Variants in AKAP6 observed in about 807,000 individuals in gnomAD.
The protein encoded by AKAP6 is A-kinase anchoring protein 6.
AKAP6 carries 58 observed loss-of-function variants against 188.5 expected under a neutral mutation model. The ratio of observed to expected loss-of-function variants is 0.31; its 90% confidence interval spans 0.25 to 0.38. The LOEUF (loss-of-function observed/expected upper bound fraction) is 0.38. AKAP6 is among the 10% of genes least tolerant of loss of function. The pLI, the probability that AKAP6 is intolerant of heterozygous loss-of-function variation, is 1.00. For synonymous variants in AKAP6, 989 were observed against 998.6 expected, an observed-to-expected ratio of 0.99 and a Z score of 0.18; for missense variants, 2,710 against 2,740.0, an observed-to-expected ratio of 0.99 and a Z score of 0.24.
chr14:32,672,809 T>A (rs1889267151), intron 7 of AKAP6, among the ~76,000 whole-genome samples: 1 of 152,136 alleles, frequency 6.6e-6, no homozygotes, highest in African/African-American at 2.4e-5. Flanking sequence ...TGATTCAACT[T>A]CTTGATGCAA....
chr14:32,420,412 A>G (rs1351965115), intron 1 of AKAP6, among the ~76,000 whole-genome samples: 1 of 152,100 alleles, frequency 6.6e-6, no homozygotes, highest in East Asian at 1.9e-4. Context: ...CTTTCTTCCT[A>G]TAAAACTATG....
At chr14:32,792,825 A>G (rs1275417820) in intron 12 of AKAP6, among the ~76,000 whole-genome samples, 1 of 152,224 alleles carries the variant, frequency 6.6e-6, no homozygotes, top group African/African-American at 2.4e-5. Context: ...TTTAGCATGA[A>G]GTAGTGTTGA....
chr14:32,686,872 C>T (rs1889948986), intron 8 of AKAP6, among the ~76,000 whole-genome samples: 1 of 152,124 alleles, frequency 6.6e-6, no homozygotes, highest in Non-Finnish European at 1.5e-5. Flanking sequence ...GCCTGACTTC[C>T]TCTGGCTGTG....
intron 2 of AKAP6, among the ~76,000 whole-genome samples, chr14:32,453,658 G>A (rs1891020666): frequency 7.7e-6 from 1 of 129,166 alleles, no homozygotes; most frequent in Non-Finnish European, 1.6e-5. Flanking sequence ...GTGCAGTGGC[G>A]CGATCTCCGC....
At chr14:32,609,734 G>A (rs1024109358) in intron 7 of AKAP6, among the ~76,000 whole-genome samples, 2 of 152,102 alleles carry the variant, frequency 1.3e-5, no homozygotes, top group African/African-American at 4.8e-5. Flanking sequence ...AAAGATTAAA[G>A]AACGAAGCAT....
At chr14:32,730,686 G>A (rs576236526) in intron 9 of AKAP6, among the ~76,000 whole-genome samples, 20 of 152,182 alleles carry the variant, frequency 1.3e-4, no homozygotes, top group Middle Eastern at 3.4e-3. Context: ...ATTTGAATAA[G>A]ATTTTCCTGC....
chr14:32,453,605 T>C (rs1346348213), intron 2 of AKAP6, among the ~76,000 whole-genome samples: 1 of 50,962 alleles, frequency 2.0e-5, no homozygotes, highest in Non-Finnish European at 3.2e-5. Flanking sequence ...TTTTTTTTTT[T>C]TTTTTTTTTG....
intron 3 of AKAP6, among the ~76,000 whole-genome samples, chr14:32,540,156 CTCTCTCTCTCTCTA>C (rs1211168866): frequency 3.3e-3 from 390 of 116,838 alleles, no homozygotes; most frequent in Non-Finnish European, 4.9e-3. Flanking sequence ...CTCTCTCTCT[CTCTCTCTCTCTCTA>C]TATATATATA....
intron 11 of AKAP6, among the ~76,000 whole-genome samples, chr14:32,747,354 G>A (rs1341179265): frequency 6.6e-6 from 1 of 152,150 alleles, no homozygotes; most frequent in African/African-American, 2.4e-5. Context: ...TAATGTTGCT[G>A]TTGGCAAAGT....
At chr14:32,808,389 T>C (rs2300857) in intron 12 of AKAP6, among the ~76,000 whole-genome samples, 1 of 151,976 alleles carries the variant, frequency 6.6e-6, no homozygotes, top group Non-Finnish European at 1.5e-5. Flanking sequence ...ACCAAGGACC[T>C]CATTCTGAGT....
chr14:32,662,559 A>G (rs538016509), intron 7 of AKAP6, among the ~76,000 whole-genome samples: 62 of 152,214 alleles, frequency 4.1e-4, no homozygotes, highest in Admixed American at 1.3e-3. Context: ...CAAACTAGAA[A>G]TGTGGTCCAG....
intron 2 of AKAP6, among the ~76,000 whole-genome samples, chr14:32,464,230 G>T (rs147815542): frequency 6.6e-6 from 1 of 151,956 alleles, no homozygotes; most frequent in Non-Finnish European, 1.5e-5. Context: ...GGGAATCCTC[G>T]CTAACTCATT....
chr14:32,750,394 C>G (rs2032078181), intron 11 of AKAP6, among the ~76,000 whole-genome samples: 1 of 151,580 alleles, frequency 6.6e-6, no homozygotes, highest in South Asian at 2.1e-4. Flanking sequence ...TTTTTCACAC[C>G]TTCAAGTATT....
At chr14:32,763,383 A>G (rs1202717609) in intron 11 of AKAP6, among the ~76,000 whole-genome samples, 1 of 152,128 alleles carries the variant, frequency 6.6e-6, no homozygotes. Context: ...GGTTAACTAG[A>G]AAAGTTTCAT....
In AKAP6 at chr14:32,534,972, AAAAAAC is replaced by A. The variant is rs1294757373; in HGVS notation, c.325-572_325-567del. Among the ~76,000 whole-genome samples the A allele has an allele frequency of 3.0e-4, 44 of 147,544 alleles. 1 individual carries two copies. The East Asian group carries it at 7.3e-3, about 24-fold the overall frequency. ...AAGAGTGAAACTCTATCTAAAAAAA[AAAAAAC>A]AAAAACAAACCAAAAAAAAAAAAAA... is the stretch of plus-strand genomic sequence containing the variant. On this transcript the variant is annotated intron_variant, in intron 2 of 13. Transcript: ENST00000280979.
intron 4 of AKAP6, among the ~76,000 whole-genome samples, chr14:32,570,619 A>T (rs1181702580): frequency 6.6e-6 from 1 of 152,080 alleles, no homozygotes; most frequent in Non-Finnish European, 1.5e-5. Flanking sequence ...TTTAAACTAT[A>T]CTTTTCCGAT....
At chr14:32,497,226 T>C (rs983060097) in intron 2 of AKAP6, among the ~76,000 whole-genome samples, 1 of 152,148 alleles carries the variant, frequency 6.6e-6, no homozygotes, top group Non-Finnish European at 1.5e-5. Context: ...CTGAAGTCAT[T>C]GATTTGAAAC....
At chr14:32,422,780 G>GGGT (rs1391836382) in intron 1 of AKAP6, among the ~76,000 whole-genome samples, 6 of 137,166 alleles carry the variant, frequency 4.4e-5, no homozygotes, top group African/African-American at 1.7e-4. Flanking sequence ...GGAAATGCCA[G>GGGT]CTCCTGGGAG....
At chr14:32,391,159 A>C (rs1233362315) in intron 1 of AKAP6, among the ~76,000 whole-genome samples, 1 of 152,194 alleles carries the variant, frequency 6.6e-6, no homozygotes, top group Non-Finnish European at 1.5e-5. Flanking sequence ...ATTAAGTGCA[A>C]AGAACCTCAG....
Sources: gnomAD v4.1 joint callset for allele counts (sites outside exome capture counted in the v4.1 genomes callset) on GRCh38, gnomAD v4.1.1 for gene constraint, MANE v1.5 for transcripts, NCBI Gene and HGNC (gene_info 2026-07-23, HGNC 2026-07-21) for gene names.